The following FANCD2 variants were observed in gnomAD, a reference collection of about 807,000 sequenced individuals.
FANCD2 encodes the protein Fanconi anemia group D2 protein.
FANCD2 carries 131 observed loss-of-function variants against 192.3 expected under a neutral mutation model. The ratio of observed to expected loss-of-function variants is 0.68; its 90% CI spans 0.59 to 0.79. The LOEUF is 0.79. FANCD2 is among the 30% of genes least tolerant of loss of function. The pLI, the probability that FANCD2 is intolerant of heterozygous loss-of-function variation, is 0.00. For synonymous variants in FANCD2, 524 were observed against 612.5 expected, an observed-to-expected ratio of 0.86 and a Z score of 2.13; for missense variants, 1,508 against 1,701.6, an observed-to-expected ratio of 0.89 and a Z score of 2.00.
Position 10,060,415 on chromosome 3 carries a change from G to A in FANCD2, c.1766+12G>A, listed in dbSNP as rs2087532586. 4 of 1,594,146 alleles carry A rather than the reference G, an allele frequency of 2.5e-6. No homozygotes were observed. Among genetic ancestry groups the A allele is most frequent in the Non-Finnish European group, 3.4e-6 (4 of 1,161,888 alleles). ...ATGGCGGCAGACAGGTACACGTGGA[G>A]ATTCTGACTTCTGTGGTTTAAGATC... On this transcript the variant is annotated intron_variant, in intron 19 of 43. Transcript: ENST00000675286.
intron 32 of FANCD2, 74 bp downstream of exon 32, chr3:10,081,538 T>C: frequency 9.6e-7 from 1 of 1,039,658 alleles, no homozygotes; most frequent in Non-Finnish European, 1.5e-6. Flanking sequence ...GGCACTGAAA[T>C]GTAGAAAAGA....
In FANCD2 at chr3:10,039,344, T is replaced by C. The variant is rs2086807137; in HGVS notation, c.557T>C (p.Val186Ala). 6.2e-7 allele frequency: 1 copy of C among 1,613,010 alleles called. No homozygotes were observed. Among genetic ancestry groups the C allele is most frequent in the African/African-American group, 1.3e-5 (1 of 74,902 alleles). Residue 186 changes from valine to alanine, a missense_variant, in exon 8 of 44, where the codon GTT becomes GCT. Val to Ala is a moderately conservative substitution (Grantham distance 64). Transcript: ENST00000675286. ...AGTCAACTAAAATGGCTTGACAGAG[T>C]TGTGGATGGCAAGGTAGGCTTATGG... ...IVSQLKWLDRVVDGKDLTTKI... is the reference protein window; with the variant it reads ...IVSQLKWLDRAVDGKDLTTKI...
chr3:10,092,395 C>A (rs1043091202), intron 38 of FANCD2, 143 bp downstream of exon 38: 33 of 748,258 alleles, frequency 4.4e-5, no homozygotes, highest in Non-Finnish European at 7.7e-5. Flanking sequence ...CCTTTGTCCC[C>A]CTACCCATCC....
chr3:10,087,792 G>A (rs1468258950), intron 34 of FANCD2, among the ~76,000 whole-genome samples: 1 of 151,984 alleles, frequency 6.6e-6, no homozygotes, highest in East Asian at 1.9e-4. Flanking sequence ...GGGATTACAG[G>A]TGCGCACCAC....
intron 6 of FANCD2, among the ~76,000 whole-genome samples, chr3:10,036,082 A>ATTTTTTTTTTTTT: frequency 9.6e-6 from 1 of 103,870 alleles, no homozygotes; most frequent in Non-Finnish European, 2.0e-5. Flanking sequence ...AGAATTATAC[A>ATTTTTTTTTTTTT]TTTCTTTTTT....
intron 29 of FANCD2, among the ~76,000 whole-genome samples, chr3:10,074,915 G>C (rs1693452304): frequency 7.0e-6 from 1 of 142,874 alleles, no homozygotes; most frequent in African/African-American, 2.8e-5. Flanking sequence ...TTACATTTAG[G>C]TTACTACTAC....
chr3:10,044,274 CT>C (rs2124995050), intron 14 of FANCD2, among the ~76,000 whole-genome samples: 1 of 152,264 alleles, frequency 6.6e-6, no homozygotes, highest in African/African-American at 2.4e-5. Flanking sequence ...CTTTACTTTG[CT>C]CATGTAGACC....
In FANCD2 at chr3:10,043,849, A is replaced by C. The variant is rs1469037699; in HGVS notation, c.1119A>C (p.Ser373=). Residue 373 remains serine (S), a synonymous_variant, in exon 14 of 44, where the codon TCA becomes TCC. Coordinates refer to ENST00000675286, the MANE Select transcript of FANCD2 (RefSeq NM_001018115.3). ...AWIKAIENTA[S]VSEHKVFDLV... is the part of the protein sequence containing the mutation. ...TTCAGGCAATTGAAAACACTGCCTC[A>C]GTATCTGAACACAAGGTAATGTTCA... is the stretch of plus-strand genomic sequence containing the variant. 1.2e-6 allele frequency: 2 copies of C among 1,613,192 alleles called. No individual in the cohort carries two copies. The highest frequency in any genetic ancestry group is 2.7e-5 in the African/African-American group (2 of 75,012).
At chr3:10,037,885 C>T (rs2086770211) in intron 7 of FANCD2, among the ~76,000 whole-genome samples, 1 of 152,166 alleles carries the variant, frequency 6.6e-6, no homozygotes, top group Non-Finnish European at 1.5e-5. Flanking sequence ...TACACACATA[C>T]ACATATGTAT....
chr3:10,050,902 A>T (rs1256597299), intron 17 of FANCD2, among the ~76,000 whole-genome samples: 1 of 150,780 alleles, frequency 6.6e-6, no homozygotes, highest in Non-Finnish European at 1.5e-5. Flanking sequence ...CCTGACCAAC[A>T]TGGAGAAAGC....
intron 43 of FANCD2, 166 bp downstream of exon 43, chr3:10,098,981 C>T (rs752791782): frequency 1.9e-6 from 3 of 1,613,944 alleles, no homozygotes; most frequent in East Asian, 4.5e-5. Flanking sequence ...TTTTTGGGAC[C>T]CAGAAGAAAC....
Position 10,039,804 on chromosome 3 carries a change from C to A in FANCD2, c.654C>A (p.Ile218=). The change falls in exon 9 of 44, where the codon ATC becomes ATA. Residue 218 remains isoleucine, a synonymous_variant. Transcript: ENST00000675286. ...QHDIITSLPE[I]LGDSQHADVG... is the part of the protein sequence containing the mutation. ...ACATCATCACCAGCCTACCTGAGAT[C>A]CTAGGGGATTCCCAGCACGCTGATG... 1 of 1,613,902 alleles carries A rather than the reference C, an allele frequency of 6.2e-7. No homozygotes were observed. The highest frequency in any genetic ancestry group is 8.5e-7 in the Non-Finnish European group (1 of 1,179,996).
Position 10,034,694 on chromosome 3 carries a change from G to A in FANCD2, c.274-1G>A. ...TTTTTTATTTTTTAAATCTCCTTAA[G>A]ATAATAGAAGAATTTGTTAGTGGCC... On this transcript the variant is annotated splice_acceptor_variant, in intron 4 of 43. Transcript: ENST00000675286. LOFTEE classifies it high-confidence loss of function. 2 of 1,547,586 alleles carry A rather than the reference G, an allele frequency of 1.3e-6. No homozygotes were observed. Among genetic ancestry groups the A allele is most frequent in the South Asian group, 2.3e-5 (2 of 85,362 alleles).
intron 18 of FANCD2, among the ~76,000 whole-genome samples, chr3:10,054,323 T>C (rs2087308941): frequency 6.9e-6 from 1 of 144,086 alleles, no homozygotes. Context: ...GGACTGTGAC[T>C]TTGAACAACC....
chr3:10,073,781 T>C (rs1693383314), intron 28 of FANCD2, among the ~76,000 whole-genome samples: 1 of 152,178 alleles, frequency 6.6e-6, no homozygotes, highest in African/African-American at 2.4e-5. Flanking sequence ...TTATTAGGTA[T>C]AGTTTCTGTA....
chr3:10,094,166 A>C (rs1313451457), intron 39 of FANCD2, 123 bp from the exon 40 acceptor site: 7 of 744,658 alleles, frequency 9.4e-6, no homozygotes, highest in South Asian at 1.6e-5. Context: ...GACCCTTCCC[A>C]ATTTGTTTTT....
chr3:10,057,731 A>T (rs1205546330), intron 18 of FANCD2, among the ~76,000 whole-genome samples: 1 of 152,146 alleles, frequency 6.6e-6, no homozygotes, highest in Non-Finnish European at 1.5e-5. Context: ...AAGTCTAATC[A>T]TATCTTTAGA....
intron 39 of FANCD2, 109 bp from the exon 40 acceptor site, chr3:10,094,180 A>G (rs1694817069): frequency 3.8e-6 from 3 of 795,958 alleles, no homozygotes; most frequent in African/African-American, 1.7e-5. Context: ...TGTTTTTTAT[A>G]TATATAAATA....
intron 9 of FANCD2, chr3:10,040,385 C>T: frequency 2.3e-6 from 1 of 426,504 alleles, no homozygotes; most frequent in Non-Finnish European, 4.7e-6. Context: ...TGAAGTCTGG[C>T]TTAGGATTAG....
Sources: allele counts gnomAD v4.1 joint callset (sites outside exome capture counted in the v4.1 genomes callset), GRCh38; gene constraint gnomAD v4.1.1; transcripts MANE v1.5; gene names NCBI Gene and HGNC (gene_info 2026-07-23, HGNC 2026-07-21).